Variants in MEIS1 observed in about 807,000 individuals in gnomAD.
MEIS1 encodes the protein Meis homeobox 1.
Under a neutral mutation model 50.8 loss-of-function variants are expected in MEIS1, and 5 were observed. The ratio of observed to expected loss-of-function variants is 0.10; its 90% CI spans 0.05 to 0.21. The LOEUF is 0.21. Among genes scored for constraint, MEIS1 ranks in the 10% least tolerant of loss-of-function variants. MEIS1 has a pLI of 1.00. For missense variants in MEIS1, 318 were observed against 517.3 expected (o/e 0.61, Z 3.74); for synonymous variants, 176 against 179.3 (o/e 0.98, Z 0.15).
intron 6 of MEIS1, among the ~76,000 whole-genome samples, chr2:66,452,639 G>A (rs1303786513): frequency 6.6e-6 from 1 of 151,910 alleles, no homozygotes; most frequent in Admixed American, 6.6e-5. Context: ...AAATTAATAT[G>A]TTCAAGAAAA....
intron 6 of MEIS1, among the ~76,000 whole-genome samples, chr2:66,450,845 C>A (rs188205032): frequency 4.6e-4 from 70 of 152,166 alleles, no homozygotes; most frequent in African/African-American, 1.7e-3. Flanking sequence ...TGTTTATTAT[C>A]CATTAACTTT....
intron 9 of MEIS1, among the ~76,000 whole-genome samples, chr2:66,556,347 T>C (rs1055969819): frequency 5.9e-5 from 9 of 152,346 alleles, no homozygotes; most frequent in Non-Finnish European, 8.8e-5. Flanking sequence ...TTAGATCCTA[T>C]GGTTGAAGAA....
intron 1 of MEIS1, chr2:66,437,323 G>A: frequency 6.2e-6 from 1 of 160,746 alleles, no homozygotes. Flanking sequence ...TGAAGGGGCT[G>A]TGAAACTAGG....
intron 7 of MEIS1, among the ~76,000 whole-genome samples, chr2:66,500,066 A>G (rs1673511996): frequency 6.6e-6 from 1 of 152,200 alleles, no homozygotes; most frequent in Admixed American, 6.5e-5. Flanking sequence ...CTCAGCCTAC[A>G]AACTATGAGG....
chr2:66,555,339 C>T (rs998528236), intron 9 of MEIS1, among the ~76,000 whole-genome samples: 2 of 143,478 alleles, frequency 1.4e-5, no homozygotes, highest in Non-Finnish European at 3.0e-5. Context: ...TCCAAGCATA[C>T]GTGGAAGAAC....
intron 8 of MEIS1, among the ~76,000 whole-genome samples, chr2:66,540,190 C>T (rs1674617707): frequency 6.6e-6 from 1 of 152,146 alleles, no homozygotes; most frequent in Non-Finnish European, 1.5e-5. Context: ...GCCTGTAATG[C>T]ATTTGTTGTA....
intron 9 of MEIS1, among the ~76,000 whole-genome samples, chr2:66,564,867 T>TC (rs1183443391): frequency 6.6e-6 from 1 of 151,430 alleles, no homozygotes; most frequent in African/African-American, 2.4e-5. Flanking sequence ...TGCTATCCCT[T>TC]CCCCCTCCCC....
chr2:66,506,009 C>A (rs1225654264), intron 7 of MEIS1, among the ~76,000 whole-genome samples: 1 of 152,198 alleles, frequency 6.6e-6, no homozygotes, highest in African/African-American at 2.4e-5. Flanking sequence ...CTATGGTTTT[C>A]TTCCTACAGC....
At chr2:66,553,231 G>A (rs969018968) in intron 9 of MEIS1, among the ~76,000 whole-genome samples, 3 of 152,100 alleles carry the variant, frequency 2.0e-5, no homozygotes, top group Admixed American at 6.6e-5. Flanking sequence ...GAGAATTGAA[G>A]TGTAACCTAC....
chr2:66,475,775 G>A (rs1558532182), intron 7 of MEIS1, among the ~76,000 whole-genome samples: 2 of 152,168 alleles, frequency 1.3e-5, no homozygotes, highest in African/African-American at 4.8e-5. Context: ...ACATTCCCCA[G>A]CTCCTAGAAC....
At chr2:66,460,566 A>G (rs1672493598) in intron 6 of MEIS1, among the ~76,000 whole-genome samples, 1 of 152,168 alleles carries the variant, frequency 6.6e-6, no homozygotes, top group Admixed American at 6.5e-5. Flanking sequence ...TTTATATATT[A>G]TATATCGATC....
intron 6 of MEIS1, among the ~76,000 whole-genome samples, chr2:66,444,088 G>A (rs1261210519): frequency 6.6e-6 from 1 of 152,198 alleles, no homozygotes; most frequent in Non-Finnish European, 1.5e-5. Flanking sequence ...GAGTGAGTGA[G>A]ATGAAACAGG....
chr2:66,563,960 A>G (rs1428468242), intron 9 of MEIS1, among the ~76,000 whole-genome samples: 1 of 152,146 alleles, frequency 6.6e-6, no homozygotes, highest in Non-Finnish European at 1.5e-5. Context: ...ATATTTTGCT[A>G]TTTACTTTGT....
chr2:66,497,585 A>G (rs1480167881), intron 7 of MEIS1, among the ~76,000 whole-genome samples: 2 of 152,178 alleles, frequency 1.3e-5, no homozygotes, highest in Non-Finnish European at 2.9e-5. Context: ...GTAAAACAAA[A>G]ATCTTTGCTG....
intron 7 of MEIS1, among the ~76,000 whole-genome samples, chr2:66,468,421 G>A (rs1672690867): frequency 1.3e-5 from 2 of 152,186 alleles, no homozygotes; most frequent in Non-Finnish European, 2.9e-5. Context: ...TTGCTTTAAA[G>A]TTAAGAGAGC....
chr2:66,454,137 TA>T, intron 6 of MEIS1, among the ~76,000 whole-genome samples: 1 of 152,064 alleles, frequency 6.6e-6, no homozygotes, highest in East Asian at 1.9e-4. Context: ...AAGAACTAAA[TA>T]AAAGTGCATC....
intron 9 of MEIS1, among the ~76,000 whole-genome samples, chr2:66,554,788 G>GA (rs1261526196): frequency 1.3e-5 from 2 of 152,150 alleles, no homozygotes; most frequent in African/African-American, 2.4e-5. Context: ...AAAATACTTT[G>GA]ATAAGGAGAC....
At chr2:66,483,571 A>G (rs549902024) in intron 7 of MEIS1, among the ~76,000 whole-genome samples, 23 of 152,280 alleles carry the variant, frequency 1.5e-4, no homozygotes, top group African/African-American at 5.3e-4. Flanking sequence ...ATCACTCTGA[A>G]ATGTTCCACA....
chr2:66,490,216 G>A (rs1275205326), intron 7 of MEIS1, among the ~76,000 whole-genome samples: 1 of 152,228 alleles, frequency 6.6e-6, no homozygotes, highest in Non-Finnish European at 1.5e-5. Flanking sequence ...ACAGTGAAGG[G>A]ATTGTTAGTT....
Sources: gnomAD v4.1 joint callset for allele counts (sites outside exome capture counted in the v4.1 genomes callset) on GRCh38, gnomAD v4.1.1 for gene constraint, MANE v1.5 for transcripts, NCBI Gene and HGNC (gene_info 2026-07-23, HGNC 2026-07-21) for gene names.